Variants in SV2C observed in about 807,000 individuals in gnomAD.
SV2C encodes synaptic vesicle glycoprotein 2C, also known as solute carrier family 22 member B3.
In SV2C, 49 loss-of-function variants were observed where a neutral mutation model predicts 79.7. The observed-to-expected ratio is 0.61, with a 90% CI of 0.49 to 0.78. SV2C has a LOEUF of 0.78. Ranked by LOEUF, SV2C falls within the 30% of genes least tolerant of loss-of-function variation. The probability of loss-of-function intolerance (pLI) is 0.00; values close to 1 mark genes in which losing one functional copy is unlikely to be tolerated. For missense variants in SV2C, 833 were observed against 912.9 expected, an observed-to-expected ratio of 0.91 and a Z score of 1.13; for synonymous variants, 334 against 333.2, an observed-to-expected ratio of 1.00 and a Z score of -0.03.
the SV2C span, among the ~76,000 whole-genome samples, chr5:75,985,196 C>T: frequency 6.6e-6 from 1 of 151,880 alleles, no homozygotes; most frequent in African/African-American, 2.4e-5. Flanking sequence ...GGAAGCTAGA[C>T]TCATTTTAGC....
At chr5:75,968,698 G>A in the SV2C span, among the ~76,000 whole-genome samples, 1 of 152,236 alleles carries the variant, frequency 6.6e-6, no homozygotes, top group Non-Finnish European at 1.5e-5. Context: ...ATCTACGTCT[G>A]ATTGGTGTAC....
At chr5:75,850,658 G>A in the SV2C span, among the ~76,000 whole-genome samples, 1 of 151,842 alleles carries the variant, frequency 6.6e-6, no homozygotes, top group Non-Finnish European at 1.5e-5. Context: ...GCATATATAT[G>A]TATAAAAAGA....
the SV2C span, among the ~76,000 whole-genome samples, chr5:75,856,557 C>G: frequency 6.6e-6 from 1 of 152,166 alleles, no homozygotes; most frequent in Non-Finnish European, 1.5e-5. Context: ...TGTTGAGCAG[C>G]TTTTCATATG....
At chr5:76,182,599 A>G (rs1170753332) in intron 2 of SV2C, among the ~76,000 whole-genome samples, 2 of 152,012 alleles carry the variant, frequency 1.3e-5, no homozygotes. Context: ...GGAAGCACAC[A>G]CTCTCAGAGT....
chr5:76,353,331 A>G (rs1749678713), exon 13 of SV2C: 3 of 216,098 alleles, frequency 1.4e-5, no homozygotes, highest in Non-Finnish European at 2.9e-5. Flanking sequence ...AGATTTCTTT[A>G]TTGTTGTCTT....
intron 4 of SV2C, among the ~76,000 whole-genome samples, chr5:76,284,701 T>C (rs1053110976): frequency 2.1e-4 from 32 of 152,188 alleles, no homozygotes; most frequent in African/African-American, 7.5e-4. Context: ...CCAACCCTCC[T>C]TCACTCTGTT....
intron 3 of SV2C, among the ~76,000 whole-genome samples, chr5:76,203,742 T>G (rs1035484388): frequency 1.3e-5 from 2 of 152,192 alleles, no homozygotes; most frequent in African/African-American, 4.8e-5. Flanking sequence ...AATAACCAAA[T>G]TTTCTACTCA....
chr5:75,951,645 G>A, the SV2C span, among the ~76,000 whole-genome samples: 2 of 152,008 alleles, frequency 1.3e-5, no homozygotes, highest in African/African-American at 4.8e-5. Flanking sequence ...AACATGTAGA[G>A]ATGCCTCATG....
chr5:75,877,023 T>C, the SV2C span, among the ~76,000 whole-genome samples: 1 of 152,086 alleles, frequency 6.6e-6, no homozygotes, highest in African/African-American at 2.4e-5. Flanking sequence ...ATTAAAAACA[T>C]GATCCAACTC....
At chr5:76,212,288 C>A (rs941099847) in intron 4 of SV2C, among the ~76,000 whole-genome samples, 2 of 152,106 alleles carry the variant, frequency 1.3e-5, no homozygotes, top group African/African-American at 4.8e-5. Context: ...CATCATTGCT[C>A]CAGAGCCACT....
At chr5:75,951,774 G>A in the SV2C span, among the ~76,000 whole-genome samples, 2 of 151,962 alleles carry the variant, frequency 1.3e-5, no homozygotes, top group African/African-American at 4.8e-5. Context: ...ACTTTTTACT[G>A]AAATAGACAC....
At position 76,348,259 on chromosome 5, in the gene SV2C, C is replaced by G. The variant is rs1409309088; in HGVS notation, c.2001-4871C>G. ...CATATTACTCCATGTATATTCATGGCTTGATACCTCATTTCTTTTTAGCAC... is the reference window on the plus strand; with the variant it reads ...CATATTACTCCATGTATATTCATGGGTTGATACCTCATTTCTTTTTAGCAC... On this transcript the variant is annotated intron_variant, in intron 12 of 12. Coordinates refer to the SV2C transcript ENST00000322285. Among the ~76,000 whole-genome samples the G allele has an allele frequency of 1.3e-5, 2 of 152,102 alleles. 1 individual carries two copies. Among genetic ancestry groups the G allele is most frequent in the Non-Finnish European group, 2.9e-5 (2 of 68,038 alleles).
the SV2C span, among the ~76,000 whole-genome samples, chr5:76,030,632 A>G: frequency 6.6e-6 from 1 of 152,060 alleles, no homozygotes; most frequent in Non-Finnish European, 1.5e-5. Flanking sequence ...AGCACCATCC[A>G]TGTGGTTGGC....
chr5:76,001,277 G>A, the SV2C span, among the ~76,000 whole-genome samples: 1 of 152,136 alleles, frequency 6.6e-6, no homozygotes, highest in Non-Finnish European at 1.5e-5. Flanking sequence ...AAATAATTTT[G>A]CATACAGAAT....
the SV2C span, among the ~76,000 whole-genome samples, chr5:75,923,158 A>G: frequency 0.029 from 4,474 of 152,300 alleles, 93 homozygotes; most frequent in Non-Finnish European, 0.043. Context: ...ACAATAACAT[A>G]AAGTGGAGAA....
intron 4 of SV2C, among the ~76,000 whole-genome samples, chr5:76,267,730 A>G (rs996985981): frequency 2.0e-5 from 3 of 152,250 alleles, no homozygotes; most frequent in East Asian, 1.9e-4. Context: ...TAAAAGTGAC[A>G]TTTGATGTGG....
chr5:76,049,261 C>T, the SV2C span, among the ~76,000 whole-genome samples: 1 of 146,644 alleles, frequency 6.8e-6, no homozygotes, highest in Non-Finnish European at 1.5e-5. Context: ...GGCGTGAACC[C>T]GGGAGGCGGA....
the SV2C span, among the ~76,000 whole-genome samples, chr5:75,932,458 G>A: frequency 4.6e-4 from 13 of 28,430 alleles, no homozygotes; most frequent in African/African-American, 1.1e-3. Context: ...AAGTGGGATC[G>A]GGGGCTAACA....
intron 1 of SV2C, among the ~76,000 whole-genome samples, chr5:76,092,237 C>A (rs1454629651): frequency 6.6e-6 from 1 of 152,128 alleles, no homozygotes; most frequent in Non-Finnish European, 1.5e-5. Context: ...GAGTTTTCAA[C>A]AATAAGCACA....
Sources: gnomAD v4.1 joint callset for allele counts (sites outside exome capture counted in the v4.1 genomes callset) on GRCh38, gnomAD v4.1.1 for gene constraint, MANE v1.5 for transcripts, NCBI Gene and HGNC (gene_info 2026-07-23, HGNC 2026-07-21) for gene names.